The following GPC5 variants were observed in gnomAD, a reference collection of about 807,000 sequenced individuals.
GPC5 encodes glypican 5.
Under a neutral mutation model 53.9 loss-of-function variants are expected in GPC5, and 47 were observed. The ratio of observed to expected loss-of-function variants is 0.87; its 90% CI spans 0.69 to 1.11. The LOEUF is 1.11. Ranked by LOEUF, GPC5 falls within the 50% of genes most tolerant of loss-of-function variation. The pLI, the probability that GPC5 is intolerant of heterozygous loss-of-function variation, is 0.00. For missense variants in GPC5, 748 were observed against 713.1 expected (o/e 1.05, Z -0.56); for synonymous variants, 286 against 263.3 (o/e 1.09, Z -0.84).
intron 7 of GPC5, among the ~76,000 whole-genome samples, chr13:92,839,262 G>A (rs1878337729): frequency 6.6e-6 from 1 of 152,184 alleles, no homozygotes. Context: ...TCCTTCTAGT[G>A]AGTCAGAAAT....
At chr13:91,782,101 G>A (rs1164141234) in intron 5 of GPC5, among the ~76,000 whole-genome samples, 1 of 152,106 alleles carries the variant, frequency 6.6e-6, no homozygotes, top group Non-Finnish European at 1.5e-5. Context: ...TTTGTTTTTA[G>A]TCTGATGTTT....
chr13:92,682,187 C>T (rs185739166), intron 7 of GPC5, among the ~76,000 whole-genome samples: 42 of 152,286 alleles, frequency 2.8e-4, no homozygotes, highest in African/African-American at 9.6e-4. Context: ...AGTTCCTATT[C>T]CTTTTGCTGT....
chr13:92,193,161 C>A (rs1285238892), intron 7 of GPC5, among the ~76,000 whole-genome samples: 1 of 134,752 alleles, frequency 7.4e-6, no homozygotes, highest in Non-Finnish European at 1.6e-5. Context: ...GGCGACAGAG[C>A]GAGACTCTGT....
At chr13:91,592,133 G>A (rs997895602) in intron 2 of GPC5, among the ~76,000 whole-genome samples, 1 of 152,180 alleles carries the variant, frequency 6.6e-6, no homozygotes, top group African/African-American at 2.4e-5. Flanking sequence ...TTTTTAGATG[G>A]CCAAGACTCT....
chr13:91,766,822 T>TGTTTG, intron 5 of GPC5, among the ~76,000 whole-genome samples: 2 of 152,272 alleles, frequency 1.3e-5, no homozygotes, highest in African/African-American at 4.8e-5. Context: ...ACTGCACCAC[T>TGTTTG]GCACTCCAGC....
At position 91,649,021 on chromosome 13, in the gene GPC5, G is replaced by A. The variant is rs145237390; in HGVS notation, c.326-44166G>A. On this transcript the variant is annotated intron_variant, in intron 2 of 7. Coordinates refer to ENST00000377067, the MANE Select transcript of GPC5 (RefSeq NM_004466.6). ...TAATGGGAGCGGTTACCCCCATGCC[G>A]CTGTTCTCATGGTAGTGAGTGAGTT... 3.3e-3 allele frequency among the ~76,000 whole-genome samples: 503 copies of A among 152,218 alleles called. 1 individual carries two copies. Among genetic ancestry groups the A allele is most frequent in the Middle Eastern group, 0.017 (5 of 294 alleles).
chr13:92,570,833 A>G (rs1237768639), intron 7 of GPC5, among the ~76,000 whole-genome samples: 2 of 152,164 alleles, frequency 1.3e-5, no homozygotes, highest in African/African-American at 4.8e-5. Context: ...TTACATTGCT[A>G]GAGTTGATCC....
At chr13:92,476,440 T>G (rs1358011692) in intron 7 of GPC5, among the ~76,000 whole-genome samples, 5 of 151,446 alleles carry the variant, frequency 3.3e-5, no homozygotes, top group African/African-American at 9.7e-5. Flanking sequence ...TTTTACACTG[T>G]TGGTGGGACT....
intron 2 of GPC5, among the ~76,000 whole-genome samples, chr13:91,534,705 A>G (rs1886504950): frequency 6.6e-6 from 1 of 152,230 alleles, no homozygotes; most frequent in Non-Finnish European, 1.5e-5. Context: ...GACCACACTC[A>G]TTAACCATAT....
At chr13:91,607,300 G>A (rs1009057922) in intron 2 of GPC5, among the ~76,000 whole-genome samples, 1 of 152,162 alleles carries the variant, frequency 6.6e-6, no homozygotes, top group African/African-American at 2.4e-5. Context: ...TGCTGAAGCA[G>A]GCATTTCGTA....
chr13:92,428,461 T>G (rs1194002445), intron 7 of GPC5, among the ~76,000 whole-genome samples: 2 of 152,090 alleles, frequency 1.3e-5, no homozygotes, highest in Admixed American at 6.6e-5. Flanking sequence ...TTGGTCCATA[T>G]TTTTCAGTAC....
intron 2 of GPC5, among the ~76,000 whole-genome samples, chr13:91,584,941 G>A (rs1277888020): frequency 6.6e-6 from 1 of 152,156 alleles, no homozygotes; most frequent in Non-Finnish European, 1.5e-5. Flanking sequence ...TCACAAATAG[G>A]AGTGGATGTT....
chr13:92,193,230 A>G (rs2042235833), intron 7 of GPC5, among the ~76,000 whole-genome samples: 1 of 152,198 alleles, frequency 6.6e-6, no homozygotes, highest in Non-Finnish European at 1.5e-5. Flanking sequence ...AATTTCAAGA[A>G]TATTATTAAT....
At chr13:91,437,010 C>T (rs1594088751) in intron 1 of GPC5, among the ~76,000 whole-genome samples, 2 of 151,936 alleles carry the variant, frequency 1.3e-5, no homozygotes, top group South Asian at 2.1e-4. Context: ...GAATTGCAAC[C>T]CCTGCCTTTT....
chr13:92,428,218 G>A (rs749138992), intron 7 of GPC5, among the ~76,000 whole-genome samples: 5 of 152,102 alleles, frequency 3.3e-5, no homozygotes, highest in African/African-American at 4.8e-5. Flanking sequence ...TGGCTCTGCT[G>A]ATGTCATCGT....
intron 1 of GPC5, among the ~76,000 whole-genome samples, chr13:91,414,728 A>T (rs1242345560): frequency 6.6e-6 from 1 of 152,236 alleles, no homozygotes; most frequent in Non-Finnish European, 1.5e-5. Context: ...TATGACTGCT[A>T]TAACGCTTCC....
At chr13:91,827,009 T>A (rs2038586569) in intron 5 of GPC5, among the ~76,000 whole-genome samples, 1 of 151,946 alleles carries the variant, frequency 6.6e-6, no homozygotes. Context: ...TAAGATCTAG[T>A]GTTTGGTAGC....
chr13:91,815,271 A>T (rs528291991), intron 5 of GPC5, among the ~76,000 whole-genome samples: 266 of 152,306 alleles, frequency 1.7e-3, no homozygotes, highest in African/African-American at 6.2e-3. Flanking sequence ...TTGTAGTCCC[A>T]GCTACTCAGG....
At chr13:92,523,784 A>G (rs1261329874) in intron 7 of GPC5, among the ~76,000 whole-genome samples, 1 of 152,118 alleles carries the variant, frequency 6.6e-6, no homozygotes, top group Non-Finnish European at 1.5e-5. Context: ...ATTTGAATTA[A>G]TATTTTACAA....
Sources: gnomAD v4.1 joint callset for allele counts (sites outside exome capture counted in the v4.1 genomes callset) on GRCh38, gnomAD v4.1.1 for gene constraint, MANE v1.5 for transcripts, NCBI Gene and HGNC (gene_info 2026-07-23, HGNC 2026-07-21) for gene names.